Variants in ERN1 observed in about 807,000 individuals in gnomAD.
ERN1 encodes the protein endoplasmic reticulum to nucleus signaling 1.
In ERN1, 39 loss-of-function variants were observed where a neutral mutation model predicts 113.1. The observed-to-expected ratio is 0.34, with a 90% confidence interval of 0.27 to 0.45. ERN1 has a LOEUF of 0.45. ERN1 is among the 20% of genes least tolerant of loss of function. The pLI is 1.00. For synonymous variants in ERN1, 507 were observed against 515.9 expected (o/e 0.98, Z 0.23); for missense variants, 976 against 1,274.8 (o/e 0.77, Z 3.57).
At position 64,043,901 on chromosome 17, in the gene ERN1, G is replaced by T; in HGVS notation, c.*87C>A. The T allele has an allele frequency of 1.1e-6, 1 of 944,298 alleles. No homozygotes were observed. The highest frequency in any genetic ancestry group is 1.6e-6 in the Non-Finnish European group (1 of 620,726). The allele number at this position is 944,298 out of a possible 1,614,324, so 58.5% of individuals were successfully genotyped here. A position where few individuals can be genotyped will look rare whatever the true frequency, so the allele number is the denominator to read the frequency against. On this transcript the variant is annotated 3_prime_UTR_variant, in exon 22 of 22. Transcript: ENST00000433197. ...TTGGTTTGGGAAGCCTGGTCTCCCT[G>T]CAAAGCCGGGAGGCATCAAGCTCTA...
At position 64,059,013 on chromosome 17, in the gene ERN1, C is replaced by A. The variant is rs999490319; in HGVS notation, c.1207-1020G>T. On this transcript the variant is annotated intron_variant, in intron 11 of 21. Transcript: ENST00000433197. Reference sequence around the variant, plus strand: ...TTTTAAAACATACTTTTTCAAAGACCGTTATCCAAGACCAGATGGTTAAAT... The same window carrying A: ...TTTTAAAACATACTTTTTCAAAGACAGTTATCCAAGACCAGATGGTTAAAT... 2.0e-5 allele frequency among the ~76,000 whole-genome samples: 3 copies of A among 152,132 alleles called. No homozygotes were observed. In the South Asian group the frequency reaches 6.2e-4, roughly 32 times the overall value.
At chr17:64,070,656 A>G (rs1913381296) in intron 6 of ERN1, among the ~76,000 whole-genome samples, 1 of 152,202 alleles carries the variant, frequency 6.6e-6, no homozygotes, top group African/African-American at 2.4e-5. Flanking sequence ...TTTCCCCAAC[A>G]CTTTCAGGAC....
chr17:64,116,428 G>A (rs769259331), intron 1 of ERN1, among the ~76,000 whole-genome samples: 8 of 152,124 alleles, frequency 5.3e-5, no homozygotes, highest in Admixed American at 2.0e-4. Flanking sequence ...AAAGGAAACC[G>A]TTTTCTTCTT....
rs575094635 is a variant in ERN1, at chr17:64,075,344, T to TA, written c.283-98dup. The TA allele has an allele frequency of 1.0e-3, 1,088 of 1,068,902 alleles. 3 individuals are homozygous for TA. Among genetic ancestry groups the TA allele is most frequent in the Admixed American group, 4.2e-3 (131 of 31,370 alleles). The allele number at this position is 1,068,902 out of a possible 1,614,324, so 66.2% of individuals were successfully genotyped here. On this transcript the variant is annotated intron_variant, in intron 4 of 21. Coordinates refer to ENST00000433197, the MANE Select transcript of ERN1 (RefSeq NM_001433.5). ...GTTTGTTTCTATTACCTAATTCTGC[T>TA]AAAAAGAGAGAAGCACTTTGCAGAT...
At chr17:64,058,968 T>C (rs1238345308) in intron 11 of ERN1, among the ~76,000 whole-genome samples, 1 of 152,164 alleles carries the variant, frequency 6.6e-6, no homozygotes, top group East Asian at 1.9e-4. Context: ...CTCATCACCA[T>C]ACAGATGCAC....
intron 12 of ERN1, among the ~76,000 whole-genome samples, chr17:64,057,353 A>T (rs1361057779): frequency 8.5e-5 from 1 of 11,808 alleles, no homozygotes; most frequent in African/African-American, 9.7e-5. Flanking sequence ...ACAAACACTG[A>T]CTTTTTTTTT....
At chr17:64,094,289 T>A (rs1248583695) in intron 2 of ERN1, among the ~76,000 whole-genome samples, 1 of 152,168 alleles carries the variant, frequency 6.6e-6, no homozygotes, top group Non-Finnish European at 1.5e-5. Context: ...CTTGTCTCCA[T>A]CTGCATCAAC....
At chr17:64,086,437 A>G (rs991298544) in intron 2 of ERN1, among the ~76,000 whole-genome samples, 1 of 152,034 alleles carries the variant, frequency 6.6e-6, no homozygotes, top group Non-Finnish European at 1.5e-5. Flanking sequence ...ATATTGTTGT[A>G]TGTATCATAG....
chr17:64,079,777 G>A (rs1477509677), intron 3 of ERN1, 43 bp from the exon 4 acceptor site: 2 of 1,530,940 alleles, frequency 1.3e-6, no homozygotes, highest in Non-Finnish European at 1.8e-6. Context: ...TTACAGCCCA[G>A]GGCATGGAAC....
chr17:64,106,715 T>TAC (rs58544303), intron 1 of ERN1, among the ~76,000 whole-genome samples: 17,677 of 103,202 alleles, frequency 0.17, 1,662 homozygotes, highest in Non-Finnish European at 0.19. Flanking sequence ...CAGGGTTTCT[T>TAC]ACACACACAC....
At chr17:64,077,906 T>C (rs1479689306) in intron 4 of ERN1, among the ~76,000 whole-genome samples, 2 of 152,022 alleles carry the variant, frequency 1.3e-5, no homozygotes, top group Non-Finnish European at 1.5e-5. Flanking sequence ...CCACCGCACC[T>C]GGCTAATTTT....
In ERN1 at chr17:64,057,949, G is replaced by A. The variant is rs56142385; in HGVS notation, c.1251C>T (p.Thr417=). The change falls in exon 12 of 22, where the codon ACC becomes ACT. Residue 417 remains threonine, a synonymous_variant. Transcript: ENST00000433197. ...VDQTSENAPT[T]VSRDVEEKPA... is the part of the protein sequence containing the mutation. The stretch of plus-strand genomic sequence containing the variant: ...GCTTCTCCTCCACATCCCGAGACAC[G>A]GTGGTAGGTGCGTTTTCTGAAGTCT... The A allele has an allele frequency of 1.1e-5, 18 of 1,602,004 alleles. No homozygotes were observed. Among genetic ancestry groups the A allele is most frequent in the South Asian group, 6.7e-5 (6 of 89,084 alleles).
rs889264549 is a variant in ERN1 at position 64,089,724 on chromosome 17, G to A, written c.175+8397C>T. 2.0e-5 allele frequency among the ~76,000 whole-genome samples: 3 copies of A among 152,162 alleles called. No homozygotes were observed. The East Asian group carries it at 5.8e-4, about 29-fold the overall frequency. ...GTGGAGGGGAGTCAGAAACAGACAGGAGGGAAAAGAGTGTCAGCAAAACTG... is the reference window on the plus strand; with the variant it reads ...GTGGAGGGGAGTCAGAAACAGACAGAAGGGAAAAGAGTGTCAGCAAAACTG... On this transcript the variant is annotated intron_variant, in intron 2 of 21. Coordinates refer to ENST00000433197, the MANE Select transcript of ERN1 (RefSeq NM_001433.5).
rs115613464 is a variant in ERN1 at position 64,130,100 on chromosome 17, G to A, written c.-71C>T. The A allele has an allele frequency of 1.7e-3, 2,142 of 1,264,556 alleles. 30 individuals are homozygous for A. The African/African-American group carries it at 0.03, about 18-fold the overall frequency. 78.3% of individuals were successfully genotyped at this position (1,264,556 alleles called of 1,614,324 possible). A position where few individuals can be genotyped will look rare whatever the true frequency, so the allele number is the denominator to read the frequency against. ...GGGGCGGGGGCGCCGCGACGACAGC[G>A]AGGCGGTGACCGAGCCTCAGCGGAC... On this transcript the variant is annotated 5_prime_UTR_variant, in exon 1 of 22. Transcript: ENST00000433197. This position sits in a 1 kb window ranked among gnomAD's most constrained non-coding sequence, Gnocchi z 4.0.
intron 2 of ERN1, among the ~76,000 whole-genome samples, chr17:64,086,428 T>C (rs1913926079): frequency 6.6e-6 from 1 of 152,102 alleles, no homozygotes; most frequent in Admixed American, 6.5e-5. Context: ...AATTCATCCA[T>C]ATTGTTGTAT....
chr17:64,103,082 G>T, intron 1 of ERN1: 1 of 386,772 alleles, frequency 2.6e-6, no homozygotes, highest in Non-Finnish European at 3.5e-6. Flanking sequence ...CACTCAGTGG[G>T]CTTCAGCAGT....
chr17:64,039,416 A>G lies in ERN1; in HGVS notation c.*4572T>C, dbSNP rs1375924008. The G allele has an allele frequency of 6.6e-6, 1 of 152,190 alleles. No individual in the cohort carries two copies. The highest frequency in any genetic ancestry group is 1.5e-5 in the Non-Finnish European group (1 of 68,034). 9.4% of individuals were successfully genotyped at this position (152,190 alleles called of 1,614,324 possible). On this transcript the variant is annotated 3_prime_UTR_variant, in exon 22 of 22. Transcript: ENST00000433197. ...AATTAACCATCCACACAGAAGACAT[A>G]ATGGCACAGAATTCTTAAAAATCAC...
chr17:64,123,208 C>G (rs1373142278), intron 1 of ERN1, among the ~76,000 whole-genome samples: 1 of 152,094 alleles, frequency 6.6e-6, no homozygotes, highest in African/African-American at 2.4e-5. Flanking sequence ...GGCCTCACAA[C>G]CGACCATACA....
chr17:64,126,455 C>A (rs577272668), intron 1 of ERN1, among the ~76,000 whole-genome samples: 1 of 152,232 alleles, frequency 6.6e-6, no homozygotes, highest in East Asian at 1.9e-4. Flanking sequence ...GCAAGTGACA[C>A]TATTCCATCC....
Sources: allele counts gnomAD v4.1 joint callset (sites outside exome capture counted in the v4.1 genomes callset), GRCh38; gene constraint gnomAD v4.1.1; non-coding constraint Gnocchi (gnomAD v3.1); transcripts MANE v1.5; gene names NCBI Gene and HGNC (gene_info 2026-07-23, HGNC 2026-07-21).